NCOA3: variants seen among roughly 807,000 people sequenced by gnomAD.
NCOA3 encodes CBP-interacting protein.
In NCOA3, 51 loss-of-function variants were observed where a neutral mutation model predicts 158.8. That is an observed-to-expected ratio of 0.32 (90% CI 0.26 to 0.41). NCOA3 has a LOEUF of 0.41. Among genes scored for constraint, NCOA3 ranks in the 10% least tolerant of loss-of-function variants. NCOA3 has a pLI of 1.00. For synonymous variants in NCOA3, 537 were observed against 592.4 expected, an observed-to-expected ratio of 0.91 and a Z score of 1.36; for missense variants, 1,510 against 1,746.6, an observed-to-expected ratio of 0.86 and a Z score of 2.41.
At chr20:47,585,932 T>G (rs72645204) in intron 2 of NCOA3, among the ~76,000 whole-genome samples, 2 of 149,258 alleles carry the variant, frequency 1.3e-5, no homozygotes, top group African/African-American at 5.1e-5. Context: ...ACAGGTTTTT[T>G]TTTTTTTTTT....
rs2086777442 is a variant in NCOA3 at position 47,650,979 on chromosome 20, T to C, written c.3652-3T>C. 1 of 1,613,296 alleles carries C rather than the reference T, an allele frequency of 6.2e-7. No homozygotes were observed. The highest frequency in any genetic ancestry group is 1.1e-5 in the South Asian group (1 of 91,074). ...TGTAATTGCACTCTTTCTTGGGTAT[T>C]AGCAGGGTTTTCTTAATGCTCAAAT... On this transcript the variant is annotated splice_region_variant and splice_polypyrimidine_tract_variant and intron_variant, in intron 19 of 22. Coordinates refer to ENST00000371998, the MANE Select transcript of NCOA3 (RefSeq NM_181659.3).
chr20:47,531,843 AG>A (rs3092765), intron 1 of NCOA3, among the ~76,000 whole-genome samples: 23,465 of 151,992 alleles, frequency 0.15, 2,838 homozygotes, highest in African/African-American at 0.33. Flanking sequence ...CTGTTAACCA[AG>A]GTCTTTTCTT....
At position 47,525,788 on chromosome 20, in the gene NCOA3, CG is replaced by C. The variant is rs1435971087; in HGVS notation, c.-99+23773del. Among the ~76,000 whole-genome samples the C allele has an allele frequency of 5.8e-5, 5 of 86,922 alleles. No individual in the cohort carries two copies. The East Asian group carries it at 1.4e-3, about 25-fold the overall frequency. 57.0% of individuals were successfully genotyped at this position (86,922 alleles called of 152,430 possible). ...TGACCCCCCCCACCTCCCTCCCAGA[CG>C]GGGCGGCTGGCCGGGCAGAGGGGCT... On this transcript the variant is annotated intron_variant, in intron 1 of 22. Transcript: ENST00000371998.
At chr20:47,622,541 C>T (rs6012226) in intron 3 of NCOA3, among the ~76,000 whole-genome samples, 21 of 151,958 alleles carry the variant, frequency 1.4e-4, no homozygotes, top group African/African-American at 4.3e-4. Context: ...AGAATATTAA[C>T]AATTCGCGGT....
At chr20:47,547,167 A>C (rs1467495745) in intron 1 of NCOA3, among the ~76,000 whole-genome samples, 1 of 152,152 alleles carries the variant, frequency 6.6e-6, no homozygotes, top group Non-Finnish European at 1.5e-5. Context: ...TTGCTCACTG[A>C]CATATCTCAA....
intron 2 of NCOA3, among the ~76,000 whole-genome samples, chr20:47,584,178 C>G (rs545240632): frequency 2.6e-5 from 4 of 152,116 alleles, no homozygotes; most frequent in Admixed American, 1.3e-4. Flanking sequence ...CGCTTGTAGT[C>G]CTAGCTGCTT....
chr20:47,504,582 ATC>A (rs2083995984), intron 1 of NCOA3, among the ~76,000 whole-genome samples: 2 of 146,652 alleles, frequency 1.4e-5, no homozygotes, highest in Non-Finnish European at 1.5e-5. Context: ...AGGCTGGTGG[ATC>A]ACGAGGTCAG....
At position 47,639,037 on chromosome 20, in the gene NCOA3, A is replaced by C; in HGVS notation, c.2542A>C (p.Ile848Leu). The change falls in exon 14 of 23, where the codon ATT becomes CTT. Residue 848 changes from isoleucine (I) to leucine (L), a missense_variant. By Grantham distance (5) the Ile-to-Leu change is conservative. Around this residue, in one of 4 missense-constraint regions of NCOA3, gnomAD observed 1,017 missense variants for 1,098.3 expected, o/e 0.93. Coordinates refer to ENST00000371998, the MANE Select transcript of NCOA3 (RefSeq NM_181659.3). ...GLKSSQSVQSIRPPYNRAVSL... is the reference protein window; with the variant it reads ...GLKSSQSVQSLRPPYNRAVSL... Reference sequence around the variant, plus strand: ...GAAAAGTTCACAGTCTGTGCAGTCTATTCGTCCTCCATATAACCGAGCAGT... The same window carrying C: ...GAAAAGTTCACAGTCTGTGCAGTCTCTTCGTCCTCCATATAACCGAGCAGT... 1 of 1,613,802 alleles carries C rather than the reference A, an allele frequency of 6.2e-7. No individual in the cohort carries two copies. The highest frequency in any genetic ancestry group is 8.5e-7 in the Non-Finnish European group (1 of 1,179,930).
At chr20:47,511,550 T>TATATATATATATATATACACATACAC in intron 1 of NCOA3, among the ~76,000 whole-genome samples, 2 of 52,264 alleles carry the variant, frequency 3.8e-5, no homozygotes, top group African/African-American at 5.4e-5. Context: ...TATATATATA[T>TATATATATATATATATACACATACAC]ATATATTTCT....
At chr20:47,631,906 A>C (rs982543836) in intron 8 of NCOA3, among the ~76,000 whole-genome samples, 7 of 152,226 alleles carry the variant, frequency 4.6e-5, no homozygotes, top group Admixed American at 4.6e-4. Flanking sequence ...CTACACTGCC[A>C]CACCACTTCT....
chr20:47,535,199 C>T (rs1368714537), intron 1 of NCOA3, among the ~76,000 whole-genome samples: 1 of 151,950 alleles, frequency 6.6e-6, no homozygotes, highest in African/African-American at 2.4e-5. Context: ...TAGCTAGGCT[C>T]ACTTCTTCCG....
At chr20:47,574,567 A>G (rs1042892579) in intron 1 of NCOA3, among the ~76,000 whole-genome samples, 1 of 152,146 alleles carries the variant, frequency 6.6e-6, no homozygotes, top group African/African-American at 2.4e-5. Flanking sequence ...TTTTATGTAA[A>G]ATGAAAATTT....
At position 47,635,609 on chromosome 20, in the gene NCOA3, C is replaced by T. The variant is rs140702870; in HGVS notation, c.1400C>T (p.Pro467Leu). Reference protein sequence around the residue: ...NNYGLNMSSPPHGSPGLAPNQ... With the variant: ...NNYGLNMSSPLHGSPGLAPNQ... Reference sequence around the variant, plus strand: ...TATGGGCTCAACATGAGTAGCCCCCCACATGGGAGTCCTGGTCTTGCCCCA... The same window carrying T: ...TATGGGCTCAACATGAGTAGCCCCCTACATGGGAGTCCTGGTCTTGCCCCA... Residue 467 changes from proline to leucine, a missense_variant, in exon 11 of 23, where the codon CCA becomes CTA. Pro to Leu is a moderately conservative substitution (Grantham distance 98, BLOSUM62 -3). Coordinates refer to ENST00000371998, the MANE Select transcript of NCOA3 (RefSeq NM_181659.3). 4.3e-6 allele frequency: 7 copies of T among 1,614,186 alleles called. No individual in the cohort carries two copies. Among genetic ancestry groups the T allele is most frequent in the East Asian group, 4.5e-5 (2 of 44,886 alleles).
chr20:47,508,918 T>G (rs1326609367), intron 1 of NCOA3, among the ~76,000 whole-genome samples: 2 of 152,230 alleles, frequency 1.3e-5, no homozygotes, highest in East Asian at 3.8e-4. Context: ...TTTAAAATTT[T>G]AAAACAAAGG....
intron 12 of NCOA3, among the ~76,000 whole-genome samples, 177 bp from the exon 13 acceptor site, chr20:47,637,471 G>A (rs1262856409): frequency 1.3e-5 from 2 of 152,202 alleles, no homozygotes; most frequent in African/African-American, 4.8e-5. Flanking sequence ...TAATCTCAGA[G>A]GAGGAAGATT....
chr20:47,611,591 A>C (rs1282881139), intron 2 of NCOA3, among the ~76,000 whole-genome samples: 1 of 152,128 alleles, frequency 6.6e-6, no homozygotes, highest in Non-Finnish European at 1.5e-5. Context: ...CAGGAGTTCG[A>C]GACCAGCCTG....
At chr20:47,511,550 T>TATATATATATATATACATACATACATAC in intron 1 of NCOA3, among the ~76,000 whole-genome samples, 1 of 52,270 alleles carries the variant, frequency 1.9e-5, no homozygotes, top group Non-Finnish European at 4.0e-5. Flanking sequence ...TATATATATA[T>TATATATATATATATACATACATACATAC]ATATATTTCT....
In NCOA3 at chr20:47,639,076, C is replaced by A; in HGVS notation, c.2581C>A (p.Pro861Thr). ...PYNRAVSLDS[P>T]VSVGSSPPVK... The stretch of plus-strand genomic sequence containing the variant: ...TAACCGAGCAGTGTCTCTGGATAGC[C>A]CTGTTTCTGTTGGCTCAAGTCCTCC... The change falls in exon 14 of 23, where the codon CCT (proline) becomes ACT (threonine). Residue 861 changes from proline to threonine, a missense_variant. This residue lies in a region of NCOA3 where 1,017 missense variants were observed against 1,098.3 expected (regional missense o/e 0.93). Coordinates refer to ENST00000371998, the MANE Select transcript of NCOA3 (RefSeq NM_181659.3). 1 of 1,614,134 alleles carries A rather than the reference C, an allele frequency of 6.2e-7. No individual in the cohort carries two copies. Among genetic ancestry groups the A allele is most frequent in the Non-Finnish European group, 8.5e-7 (1 of 1,180,024 alleles).
At position 47,536,031 on chromosome 20, in the gene NCOA3, T is replaced by C. The variant is rs1285490452; in HGVS notation, c.-99+34012T>C. Among the ~76,000 whole-genome samples, 4 of 152,282 alleles carry C rather than the reference T, an allele frequency of 2.6e-5. No homozygotes were observed. The East Asian group carries it at 7.7e-4, about 29-fold the overall frequency. ...TGTTCTGCTCCTCTGTTCCTCTCGA[T>C]GTCCAGCCGCTTGTGTGTGTGTCTG... On this transcript the variant is annotated intron_variant, in intron 1 of 22. Coordinates refer to ENST00000371998, the MANE Select transcript of NCOA3 (RefSeq NM_181659.3).
Sources: gnomAD v4.1 joint callset for allele counts (sites outside exome capture counted in the v4.1 genomes callset) on GRCh38, gnomAD v4.1.1 for gene constraint, gnomAD v4.1.1 regional missense constraint, MANE v1.5 for transcripts, NCBI Gene and HGNC (gene_info 2026-07-23, HGNC 2026-07-21) for gene names.